The following ST6GALNAC5 variants were observed in gnomAD, a reference collection of about 807,000 sequenced individuals.
ST6GALNAC5 encodes the protein ST6 N-acetylgalactosaminide alpha-2,6-sialyltransferase 5.
ST6GALNAC5 carries 27 observed loss-of-function variants against 33.6 expected under a neutral mutation model. That is an observed-to-expected ratio of 0.80 (90% CI 0.59 to 1.11). The LOEUF (loss-of-function observed/expected upper bound fraction) is 1.11. ST6GALNAC5 is among the 50% of genes least tolerant of loss of function. ST6GALNAC5 has a pLI of 0.00. For missense variants in ST6GALNAC5, 428 were observed against 454.0 expected (o/e 0.94, Z 0.52); for synonymous variants, 194 against 171.2 (o/e 1.13, Z -1.04).
rs765625224 is a variant in ST6GALNAC5, at chr1:76,868,655, G to A, written c.174G>A (p.Pro58=). The A allele has an allele frequency of 1.3e-5, 21 of 1,596,152 alleles. No individual in the cohort carries two copies. The Admixed American group carries it at 3.1e-4, about 24-fold the overall frequency. ...QQASATGSSQ[P]AAESSTQQRP... is the part of the protein sequence containing the mutation. ...CGTCGGCCACCGGCAGCTCGCAGCC[G>A]GCGGCGGAGAGCAGCACCCAGCAGC... The change falls in exon 2 of 5, where the codon CCG becomes CCA. Residue 58 remains proline (P), a synonymous_variant. Coordinates refer to ENST00000477717, the MANE Select transcript of ST6GALNAC5 (RefSeq NM_030965.3). The surrounding 1 kb of genome is among the most constrained non-coding windows in gnomAD (Gnocchi z 4.3).
chr1:77,021,616 G>T (rs955255043), intron 2 of ST6GALNAC5, among the ~76,000 whole-genome samples: 5 of 152,088 alleles, frequency 3.3e-5, no homozygotes, highest in African/African-American at 1.2e-4. Flanking sequence ...AACAGCTCCT[G>T]TTCATCAATA....
intron 4 of ST6GALNAC5, among the ~76,000 whole-genome samples, chr1:77,052,813 G>T (rs1652267362): frequency 6.6e-6 from 1 of 151,390 alleles, no homozygotes; most frequent in Admixed American, 6.6e-5. Context: ...CAGCTACTCG[G>T]GTGGCTGAGC....
At chr1:76,911,982 G>A (rs115582690) in intron 2 of ST6GALNAC5, among the ~76,000 whole-genome samples, 2,106 of 151,902 alleles carry the variant, frequency 0.014, 48 homozygotes, top group African/African-American at 0.046. Context: ...GAATGTGTTC[G>A]CCCTTGCTTT....
intron 2 of ST6GALNAC5, among the ~76,000 whole-genome samples, chr1:76,948,601 G>GAGAC (rs1647619693): frequency 6.6e-6 from 1 of 150,780 alleles, no homozygotes; most frequent in Non-Finnish European, 1.5e-5. Context: ...GAGAGAGAGA[G>GAGAC]AGAGAGAGAG....
In ST6GALNAC5 at chr1:77,065,133, T is replaced by C. The variant is rs1287844876; in HGVS notation, c.*1927T>C. On this transcript the variant is annotated 3_prime_UTR_variant, in exon 5 of 5. Transcript: ENST00000477717. ...CATGGACTCTGAACACATCATACTT[T>C]ATCAACATATGAAAAAGTGTATTAA... 1 of 152,234 alleles carries C rather than the reference T, an allele frequency of 6.6e-6. No individual in the cohort carries two copies. The highest frequency in any genetic ancestry group is 1.9e-4 in the East Asian group (1 of 5,204). 9.4% of individuals were successfully genotyped at this position (152,234 alleles called of 1,614,324 possible). A position where few individuals can be genotyped will look rare whatever the true frequency, so the allele number is the denominator to read the frequency against.
intron 2 of ST6GALNAC5, among the ~76,000 whole-genome samples, chr1:76,971,523 CT>C (rs1202309552): frequency 1.3e-5 from 2 of 152,118 alleles, no homozygotes; most frequent in African/African-American, 4.8e-5. Flanking sequence ...CATGATTTTT[CT>C]CTTTTAATGC....
rs565760596 is a variant in ST6GALNAC5, at chr1:77,005,461, A to C, written c.262-38743A>C. Among the ~76,000 whole-genome samples the C allele has an allele frequency of 7.2e-5, 11 of 152,268 alleles. No individual in the cohort carries two copies. In the East Asian group the frequency reaches 2.1e-3, roughly 29 times the overall value. ...AAATCACCCGTCTTCTGCGTCGCTC[A>C]CGCTGGGAGCTGTAGACCGGAGCTG... On this transcript the variant is annotated intron_variant, in intron 2 of 4. Coordinates refer to ENST00000477717, the MANE Select transcript of ST6GALNAC5 (RefSeq NM_030965.3).
chr1:76,990,792 T>C (rs1175052590), intron 2 of ST6GALNAC5, among the ~76,000 whole-genome samples: 3 of 152,198 alleles, frequency 2.0e-5, no homozygotes, highest in African/African-American at 7.2e-5. Context: ...GGACTACTAA[T>C]TCATCCTATG....
At position 77,066,523 on chromosome 1, in the gene ST6GALNAC5, T is replaced by C. The variant is rs1652785216; in HGVS notation, c.*3317T>C. On this transcript the variant is annotated 3_prime_UTR_variant, in exon 5 of 5. Transcript: ENST00000477717. The stretch of plus-strand genomic sequence containing the variant: ...TAGAAGGAGAAAGTTGAAATTCTAT[T>C]AGGATTAAGACAGTGTTATTTAAAG... 6.6e-6 allele frequency among the ~76,000 whole-genome samples: 1 copy of C among 152,252 alleles called. No individual in the cohort carries two copies. The highest frequency in any genetic ancestry group is 2.1e-4 in the South Asian group (1 of 4,834).
intron 2 of ST6GALNAC5, among the ~76,000 whole-genome samples, chr1:76,944,888 G>A (rs1389617196): frequency 2.6e-5 from 4 of 152,100 alleles, no homozygotes; most frequent in Non-Finnish European, 4.4e-5. Flanking sequence ...AAAAAAAAAT[G>A]TGTTTTGAGT....
chr1:76,938,402 A>G (rs568668723), intron 2 of ST6GALNAC5, among the ~76,000 whole-genome samples: 1 of 152,226 alleles, frequency 6.6e-6, no homozygotes, highest in African/African-American at 2.4e-5. Flanking sequence ...TATCATTTGT[A>G]GATGGAAGAG....
At chr1:76,909,089 C>T (rs908281807) in intron 2 of ST6GALNAC5, among the ~76,000 whole-genome samples, 3 of 152,082 alleles carry the variant, frequency 2.0e-5, no homozygotes, top group South Asian at 2.1e-4. Flanking sequence ...ACTCTTCAGG[C>T]CCTTCTCTCG....
chr1:76,941,596 G>A (rs1050434211), intron 2 of ST6GALNAC5, among the ~76,000 whole-genome samples: 9 of 152,092 alleles, frequency 5.9e-5, no homozygotes, highest in African/African-American at 2.2e-4. Context: ...AAGTAGACCT[G>A]AAATCCAATG....
At chr1:76,895,704 T>C (rs570264115) in intron 2 of ST6GALNAC5, among the ~76,000 whole-genome samples, 5 of 152,252 alleles carry the variant, frequency 3.3e-5, no homozygotes, top group South Asian at 2.1e-4. Context: ...CAGTGTAAAC[T>C]GGCAGTGTAA....
At chr1:77,039,400 G>A (rs1177028565) in intron 2 of ST6GALNAC5, among the ~76,000 whole-genome samples, 1 of 152,222 alleles carries the variant, frequency 6.6e-6, no homozygotes, top group African/African-American at 2.4e-5. Flanking sequence ...CCTGGGCTGA[G>A]AGGCTGCCCA....
chr1:77,027,078 G>A (rs906107178), intron 2 of ST6GALNAC5, among the ~76,000 whole-genome samples: 4 of 152,174 alleles, frequency 2.6e-5, no homozygotes, highest in Non-Finnish European at 4.4e-5. Flanking sequence ...AGAAAGCAAC[G>A]AAAGTTAATG....
At chr1:77,029,760 A>T (rs1040879825) in intron 2 of ST6GALNAC5, among the ~76,000 whole-genome samples, 2 of 152,274 alleles carry the variant, frequency 1.3e-5, no homozygotes, top group African/African-American at 4.8e-5. Flanking sequence ...AGCCTGGTTG[A>T]GAAATGAGTT....
rs745544685 is a variant in ST6GALNAC5, at chr1:77,067,013, G to A, written c.*3807G>A. Reference sequence around the variant, plus strand: ...CAAGGTACTTCAGAAGTACCATTATGGTTTGCCCAGGGCCAAGTGGGGAGT... The same window carrying A: ...CAAGGTACTTCAGAAGTACCATTATAGTTTGCCCAGGGCCAAGTGGGGAGT... On this transcript the variant is annotated 3_prime_UTR_variant, in exon 5 of 5. Coordinates refer to ENST00000477717, the MANE Select transcript of ST6GALNAC5 (RefSeq NM_030965.3). Among the ~76,000 whole-genome samples, 37 of 152,286 alleles carry A rather than the reference G, an allele frequency of 2.4e-4. 1 individual carries two copies. The highest frequency in any genetic ancestry group is 6.8e-3 in the Middle Eastern group (2 of 294).
At chr1:76,985,373 A>C (rs1247620770) in intron 2 of ST6GALNAC5, among the ~76,000 whole-genome samples, 1 of 152,166 alleles carries the variant, frequency 6.6e-6, no homozygotes, top group Non-Finnish European at 1.5e-5. Flanking sequence ...CTAACAGACA[A>C]ACAGAGAGCC....
Sources: gnomAD v4.1 joint callset for allele counts (sites outside exome capture counted in the v4.1 genomes callset) on GRCh38, gnomAD v4.1.1 for gene constraint, Gnocchi (gnomAD v3.1) non-coding constraint, MANE v1.5 for transcripts, NCBI Gene and HGNC (gene_info 2026-07-23, HGNC 2026-07-21) for gene names.